TMEM62: variants seen among roughly 807,000 people sequenced by gnomAD.
The protein encoded by TMEM62 is transmembrane protein 62.
TMEM62 carries 41 observed loss-of-function variants against 70.4 expected under a neutral mutation model. The observed-to-expected ratio is 0.58, with a 90% CI of 0.45 to 0.76. TMEM62 has a LOEUF of 0.76. Among genes scored for constraint, TMEM62 ranks in the 30% least tolerant of loss-of-function variants. The pLI is 0.00. For synonymous variants in TMEM62, 268 were observed against 291.0 expected (o/e 0.92, Z 0.80); for missense variants, 688 against 788.5 (o/e 0.87, Z 1.53).
At chr15:43,167,869 C>G (rs960148959) in intron 10 of TMEM62, among the ~76,000 whole-genome samples, 6 of 152,182 alleles carry the variant, frequency 3.9e-5, no homozygotes, top group Non-Finnish European at 8.8e-5. Context: ...CGTCTGCAAT[C>G]CCGGCACCTC....
intron 4 of TMEM62, among the ~76,000 whole-genome samples, chr15:43,144,141 A>C (rs549431959): frequency 6.6e-6 from 1 of 152,280 alleles, no homozygotes; most frequent in South Asian, 2.1e-4. Flanking sequence ...AGTGTGTCCA[A>C]TCTTAAAAGA....
intron 9 of TMEM62, among the ~76,000 whole-genome samples, chr15:43,158,401 G>T (rs968844816): frequency 1.3e-5 from 2 of 152,110 alleles, no homozygotes; most frequent in African/African-American, 4.8e-5. Context: ...TCCCTGATTT[G>T]TACCAATCCC....
At chr15:43,180,934 C>A (rs957853019) in intron 12 of TMEM62, 5 of 329,186 alleles carry the variant, frequency 1.5e-5, no homozygotes, top group Admixed American at 1.3e-4. Context: ...TTTCTAGAAT[C>A]TATAAGACAC....
chr15:43,142,906 G>A (rs1251788880), intron 4 of TMEM62, among the ~76,000 whole-genome samples: 1 of 151,954 alleles, frequency 6.6e-6, no homozygotes, highest in African/African-American at 2.4e-5. Context: ...CTGGGCTCAA[G>A]TGATCCACTC....
chr15:43,135,621 C>G lies in TMEM62; in HGVS notation c.402C>G (p.Thr134=), dbSNP rs772121484. Residue 134 remains threonine, a synonymous_variant, in exon 3 of 14, where the codon ACC becomes ACG. Coordinates refer to ENST00000260403, the MANE Select transcript of TMEM62 (RefSeq NM_024956.4). ...AGAAGACAAGAGTCATGGAAAAAAC[C>G]AAGTGGCTGGATATCAAAGGAAATC... The part of the protein sequence containing the change: ...ILKKTRVMEK[T]KWLDIKGNHD... 1.9e-6 allele frequency: 3 copies of G among 1,600,264 alleles called. No individual in the cohort carries two copies. Among genetic ancestry groups the G allele is most frequent in the Non-Finnish European group, 2.5e-6 (3 of 1,176,646 alleles).
intron 13 of TMEM62, among the ~76,000 whole-genome samples, chr15:43,183,362 C>T (rs2142177630): frequency 6.6e-6 from 1 of 152,350 alleles, no homozygotes; most frequent in Middle Eastern, 3.4e-3. Flanking sequence ...TTACAATCAG[C>T]TCACTTACTT....
At chr15:43,133,424 G>A (rs139505441), upstream of TMEM62, 910 of 201,570 alleles carry the variant, frequency 4.5e-3, 10 homozygotes, top group African/African-American at 0.02. Context: ...GACCCACTGA[G>A]GTCAGGAGTG....
intron 11 of TMEM62, among the ~76,000 whole-genome samples, chr15:43,172,901 T>G (rs1202953088): frequency 2.0e-5 from 3 of 152,186 alleles, no homozygotes; most frequent in Non-Finnish European, 4.4e-5. Flanking sequence ...TCAGTAAGCA[T>G]CAGTCTTCAC....
At chr15:43,157,619 T>C (rs72721538) in intron 9 of TMEM62, among the ~76,000 whole-genome samples, 85 of 152,298 alleles carry the variant, frequency 5.6e-4, no homozygotes, top group Non-Finnish European at 7.5e-4. Context: ...TCAGCCAGTC[T>C]CAACAATTAT....
chr15:43,151,881 T>G lies in TMEM62; in HGVS notation c.958T>G (p.Ser320Ala). The G allele has an allele frequency of 6.2e-7, 1 of 1,613,878 alleles. No individual in the cohort carries two copies. Among genetic ancestry groups the G allele is most frequent in the African/African-American group, 1.3e-5 (1 of 75,032 alleles). Residue 320 changes from serine (S) to alanine (A), a missense_variant, in exon 8 of 14, where the codon TCA (serine) becomes GCA (alanine). Transcript: ENST00000260403. ...TGTGGTTCTTATCACCAATCCTAAA[T>G]CACTCCTTTATAGTTGTGGTGAACA... ...WPVVLITNPK[S>A]LLYSCGEHEP...
At chr15:43,169,267 A>G in intron 10 of TMEM62, 1 of 207,682 alleles carries the variant, frequency 4.8e-6, no homozygotes, top group Non-Finnish European at 9.5e-6. Flanking sequence ...GGAAGGTTCT[A>G]TTTGGCCATC....
chr15:43,169,711 T>C, intron 11 of TMEM62, 34 bp downstream of exon 11: 1 of 1,572,108 alleles, frequency 6.4e-7, no homozygotes, highest in Non-Finnish European at 8.7e-7. Flanking sequence ...CTATAAGCCT[T>C]GTTCATGGAA....
At chr15:43,140,770 C>T (rs566804923) in intron 4 of TMEM62, among the ~76,000 whole-genome samples, 115 of 152,280 alleles carry the variant, frequency 7.6e-4, no homozygotes, top group Middle Eastern at 3.4e-3. Flanking sequence ...TAGGGCTGCT[C>T]ATGGCAATAG....
rs1170382990 is a variant in TMEM62, at chr15:43,133,869, T to G, written c.67T>G (p.Leu23Val). Residue 23 changes from leucine (L) to valine (V), a missense_variant, in exon 1 of 14, where the codon TTG (leucine) becomes GTG (valine). Physicochemically the swap from Leu to Val is conservative, Grantham distance 32. Transcript: ENST00000260403. ...GGCCGCAGCGCTGGTGGCCATGCTC[T>G]TGGAGCACTACGGCCTGGCGGGCCA... ...LAAAALVAML[L>V]EHYGLAGQPS... 7.3e-6 allele frequency: 11 copies of G among 1,497,474 alleles called. No homozygotes were observed. The highest frequency in any genetic ancestry group is 8.8e-6 in the Non-Finnish European group (10 of 1,131,842). 92.8% of individuals were successfully genotyped at this position (1,497,474 alleles called of 1,614,324 possible).
chr15:43,138,552 T>C, intron 3 of TMEM62, 22 bp from the exon 4 acceptor site: 1 of 211,698 alleles, frequency 4.7e-6, no homozygotes, highest in Non-Finnish European at 8.0e-6. Context: ...GAATGTTTGC[T>C]TTTTTTTTTT....
chr15:43,158,002 T>G (rs756664705), intron 9 of TMEM62, among the ~76,000 whole-genome samples: 2 of 152,126 alleles, frequency 1.3e-5, no homozygotes, highest in Non-Finnish European at 2.9e-5. Context: ...CCCTCTTTTT[T>G]GTACCCTTAA....
At chr15:43,167,350 G>T (rs2039608984) in intron 10 of TMEM62, among the ~76,000 whole-genome samples, 1 of 151,488 alleles carries the variant, frequency 6.6e-6, no homozygotes, top group Non-Finnish European at 1.5e-5. Flanking sequence ...GGGCGGAGGG[G>T]CTCCTCACTT....
intron 7 of TMEM62, among the ~76,000 whole-genome samples, chr15:43,151,342 G>C (rs915899054): frequency 6.7e-6 from 1 of 148,510 alleles, no homozygotes; most frequent in East Asian, 1.9e-4. Flanking sequence ...AAAAAAGAAA[G>C]AAAGGTTTAA....
At position 43,184,340 on chromosome 15, in the gene TMEM62, T is replaced by A; in HGVS notation, c.1686T>A (p.Ser562=). Residue 562 remains serine, a synonymous_variant, in exon 14 of 14, where the codon TCT becomes TCA. Coordinates refer to ENST00000260403, the MANE Select transcript of TMEM62 (RefSeq NM_024956.4). Reference sequence around the variant, plus strand: ...GGTGCTTTGGTCACAACTTCAGGTCTCATCTCCATCAAAGAAAATACTTGA... The same window carrying A: ...GGTGCTTTGGTCACAACTTCAGGTCACATCTCCATCAAAGAAAATACTTGA... ...LQRCFGHNFR[S]HLHQRKYLKI... is the part of the protein sequence containing the mutation. 1 of 1,614,244 alleles carries A rather than the reference T, an allele frequency of 6.2e-7. No homozygotes were observed. Among genetic ancestry groups the A allele is most frequent in the Non-Finnish European group, 8.5e-7 (1 of 1,180,044 alleles).
Sources: allele counts gnomAD v4.1 joint callset (sites outside exome capture counted in the v4.1 genomes callset), GRCh38; gene constraint gnomAD v4.1.1; transcripts MANE v1.5; gene names NCBI Gene and HGNC (gene_info 2026-07-23, HGNC 2026-07-21).